The following SLCO4C1 variants were observed in gnomAD, a reference collection of about 807,000 sequenced individuals.
The protein encoded by SLCO4C1 is solute carrier organic anion transporter family member 4C1, also known as organic anion transporter M1.
A neutral mutation model predicts 72.1 loss-of-function variants in SLCO4C1; 58 were observed. The observed-to-expected ratio is 0.80, with a 90% CI of 0.65 to 1.00. The LOEUF (loss-of-function observed/expected upper bound fraction) is 1.00. Ranked by LOEUF, SLCO4C1 falls within the 50% of genes least tolerant of loss-of-function variation. SLCO4C1 has a pLI of 0.00. For missense variants in SLCO4C1, 898 were observed against 857.9 expected (o/e 1.05, Z -0.58); for synonymous variants, 297 against 312.5 (o/e 0.95, Z 0.52).
At chr5:102,253,401 C>T (rs1748776940) in intron 8 of SLCO4C1, among the ~76,000 whole-genome samples, 1 of 152,030 alleles carries the variant, frequency 6.6e-6, no homozygotes, top group African/African-American at 2.4e-5. Context: ...AACCAAATAC[C>T]ACATGCTCTC....
chr5:102,256,798 A>G (rs768417470), intron 8 of SLCO4C1, among the ~76,000 whole-genome samples: 1 of 152,230 alleles, frequency 6.6e-6, no homozygotes, highest in Non-Finnish European at 1.5e-5. Flanking sequence ...CAATAAAAGC[A>G]TATAATGTGA....
Position 102,294,870 on chromosome 5 carries a change from G to A in SLCO4C1, c.355+1038C>T, listed in dbSNP as rs117134440. On this transcript the variant is annotated intron_variant, in intron 1 of 12. Transcript: ENST00000310954. ...TTAGTTTTCTATTAACTTAAAAAAT[G>A]AGCTGTTTCCAACCCTCTAAAATCT... Among the ~76,000 whole-genome samples, 51 of 152,290 alleles carry A rather than the reference G, an allele frequency of 3.3e-4. No individual in the cohort carries two copies. In the East Asian group the frequency reaches 7.9e-3, roughly 24 times the overall value.
intron 2 of SLCO4C1, among the ~76,000 whole-genome samples, chr5:102,273,806 G>T (rs1749197249): frequency 2.0e-5 from 3 of 152,038 alleles, no homozygotes; most frequent in Admixed American, 2.0e-4. Context: ...TTATAAAATA[G>T]CTAGATTTAC....
intron 9 of SLCO4C1, 83 bp from the exon 10 acceptor site, chr5:102,247,525 A>C: frequency 1.1e-6 from 1 of 890,328 alleles, no homozygotes; most frequent in Admixed American, 2.6e-5. Flanking sequence ...TAGACATGGC[A>C]AACACTCTCA....
intron 9 of SLCO4C1, among the ~76,000 whole-genome samples, chr5:102,247,995 C>G (rs1321352965): frequency 6.9e-6 from 1 of 145,354 alleles, no homozygotes; most frequent in Non-Finnish European, 1.5e-5. Flanking sequence ...ACCAAATATG[C>G]AGATGACACC....
intron 1 of SLCO4C1, among the ~76,000 whole-genome samples, chr5:102,292,190 G>A (rs555545882): frequency 1.2e-4 from 19 of 152,186 alleles, no homozygotes; most frequent in South Asian, 6.2e-4. Flanking sequence ...TGCTTGCTAC[G>A]TACTAAATTA....
chr5:102,284,320 C>T (rs1015907020), intron 2 of SLCO4C1, among the ~76,000 whole-genome samples: 6 of 152,108 alleles, frequency 3.9e-5, no homozygotes, highest in African/African-American at 1.4e-4. Flanking sequence ...GACAACTCAA[C>T]AAATAGTTCT....
At chr5:102,245,438 A>G (rs1235188082) in intron 10 of SLCO4C1, among the ~76,000 whole-genome samples, 1 of 152,170 alleles carries the variant, frequency 6.6e-6, no homozygotes, top group Non-Finnish European at 1.5e-5. Flanking sequence ...CTATAAGAAG[A>G]GACAAAGAAA....
At position 102,295,386 on chromosome 5, in the gene SLCO4C1, A is replaced by G. The variant is rs554669645; in HGVS notation, c.355+522T>C. On this transcript the variant is annotated intron_variant, in intron 1 of 12. Coordinates refer to ENST00000310954, the MANE Select transcript of SLCO4C1 (RefSeq NM_180991.5). ...GTGACCACATACTCTCAAACTAAAT[A>G]CACTCACAAAACATGAATGTCTGTA... Among the ~76,000 whole-genome samples the G allele has an allele frequency of 7.2e-5, 11 of 152,330 alleles. No homozygotes were observed. The East Asian group carries it at 7.7e-4, about 11-fold the overall frequency.
chr5:102,247,634 A>T (rs1748659682), intron 9 of SLCO4C1, among the ~76,000 whole-genome samples, 192 bp from the exon 10 acceptor site: 2 of 152,188 alleles, frequency 1.3e-5, no homozygotes, highest in African/African-American at 2.4e-5. Context: ...ATGTGGAATT[A>T]TCTGTATTTG....
Position 102,293,049 on chromosome 5 carries a change from AC to A in SLCO4C1, c.356-1444del, listed in dbSNP as rs1749584476. ...CAAATCTCTTTAAATTTTGATTAAG[AC>A]CGTAGCTGAAAATATATTTCAAAAA... is the stretch of plus-strand genomic sequence containing the variant. On this transcript the variant is annotated intron_variant, in intron 1 of 12. Coordinates refer to ENST00000310954, the MANE Select transcript of SLCO4C1 (RefSeq NM_180991.5). Among the ~76,000 whole-genome samples, 4 of 152,076 alleles carry A rather than the reference AC, an allele frequency of 2.6e-5. No homozygotes were observed. The South Asian group carries it at 8.3e-4, about 32-fold the overall frequency.
chr5:102,257,808 C>G, intron 7 of SLCO4C1, 135 bp downstream of exon 7: 2 of 775,988 alleles, frequency 2.6e-6, no homozygotes, highest in Non-Finnish European at 4.1e-6. Context: ...TTGGTACAGA[C>G]AGGGTTTCAC....
At chr5:102,288,224 A>G (rs1351036670) in intron 2 of SLCO4C1, among the ~76,000 whole-genome samples, 1 of 152,194 alleles carries the variant, frequency 6.6e-6, no homozygotes, top group Non-Finnish European at 1.5e-5. Flanking sequence ...ACACTGCAAC[A>G]CTGGATATAT....
intron 10 of SLCO4C1, among the ~76,000 whole-genome samples, 174 bp from the exon 11 acceptor site, chr5:102,240,956 G>A (rs771723483): frequency 1.3e-5 from 2 of 152,024 alleles, no homozygotes; most frequent in African/African-American, 4.8e-5. Context: ...GATTATAAAA[G>A]AAGAAAAATG....
At chr5:102,291,659 GATT>G in intron 1 of SLCO4C1, 53 bp from the exon 2 acceptor site, 1 of 1,436,410 alleles carries the variant, frequency 7.0e-7, no homozygotes, top group Non-Finnish European at 9.5e-7. Flanking sequence ...ATACGATTAA[GATT>G]ATTAACACAA....
intron 3 of SLCO4C1, among the ~76,000 whole-genome samples, chr5:102,264,341 A>C (rs931877787): frequency 1.3e-5 from 2 of 152,118 alleles, no homozygotes; most frequent in Non-Finnish European, 2.9e-5. Context: ...AGATATTTAA[A>C]ATGTTGCCAT....
intron 3 of SLCO4C1, among the ~76,000 whole-genome samples, chr5:102,268,244 G>T (rs1185011761): frequency 1.3e-5 from 2 of 152,020 alleles, no homozygotes; most frequent in African/African-American, 2.4e-5. Context: ...AATAATATTT[G>T]ATTTATATAT....
intron 5 of SLCO4C1, among the ~76,000 whole-genome samples, chr5:102,260,641 C>T (rs1048219975): frequency 2.6e-5 from 4 of 151,942 alleles, no homozygotes; most frequent in Non-Finnish European, 5.9e-5. Flanking sequence ...TTGCTCCAAT[C>T]ACACATCTAT....
chr5:102,236,203 C>T lies in SLCO4C1; in HGVS notation c.*655G>A, dbSNP rs1748429169. ...ATATGTGTATACAATGCTGATGTTT[C>T]TGTATTCACTATATACTAAGACACA... On this transcript the variant is annotated 3_prime_UTR_variant, in exon 13 of 13. Coordinates refer to ENST00000310954, the MANE Select transcript of SLCO4C1 (RefSeq NM_180991.5). 1 of 152,134 alleles carries T rather than the reference C, an allele frequency of 6.6e-6. No individual in the cohort carries two copies. Among genetic ancestry groups the T allele is most frequent in the East Asian group, 1.9e-4 (1 of 5,200 alleles). The allele number at this position is 152,134 out of a possible 1,614,324, so 9.4% of individuals were successfully genotyped here. A position where few individuals can be genotyped will look rare whatever the true frequency, so the allele number is the denominator to read the frequency against.
Sources: gnomAD v4.1 joint callset for allele counts (sites outside exome capture counted in the v4.1 genomes callset) on GRCh38, gnomAD v4.1.1 for gene constraint, MANE v1.5 for transcripts, NCBI Gene and HGNC (gene_info 2026-07-23, HGNC 2026-07-21) for gene names.